The following AHRR variants were observed in gnomAD, a reference collection of about 807,000 sequenced individuals.
AHRR encodes aryl hydrocarbon receptor repressor.
AHRR carries 28 observed loss-of-function variants against 44.0 expected under a neutral mutation model. The observed-to-expected ratio is 0.64, with a 90% CI of 0.47 to 0.87. The LOEUF is 0.87. Ranked by LOEUF, AHRR falls within the 40% of genes least tolerant of loss-of-function variation. The pLI is 0.00. For synonymous variants in AHRR, 434 were observed against 407.0 expected (o/e 1.07, Z -0.80); for missense variants, 990 against 953.9 (o/e 1.04, Z -0.50).
At chr5:350,637 G>A (rs4956933) in intron 2 of AHRR, among the ~76,000 whole-genome samples, 77,267 of 151,900 alleles carry the variant, frequency 0.51, 19,938 homozygotes, top group Non-Finnish European at 0.54. Context: ...GGGAGGTCTT[G>A]GGTGTCCTTC....
chr5:384,909 G>T (rs556858413), intron 4 of AHRR, among the ~76,000 whole-genome samples: 1 of 152,048 alleles, frequency 6.6e-6, no homozygotes, highest in East Asian at 1.9e-4. Context: ...ACTTTGGGAG[G>T]CTGAGGCAGG....
chr5:382,675 G>A (rs551903569), intron 4 of AHRR, among the ~76,000 whole-genome samples: 2 of 151,784 alleles, frequency 1.3e-5, no homozygotes, highest in East Asian at 3.9e-4. Context: ...TGCTTGGTTT[G>A]GATTTAATTT....
At chr5:343,496 G>GGGGGTGGCGGGA in intron 1 of AHRR, 1 of 135,874 alleles carries the variant, frequency 7.4e-6, no homozygotes, top group Non-Finnish European at 1.5e-5. Flanking sequence ...GATCCCGCGT[G>GGGGGTGGCGGGA]ACGAGTGTTT....
chr5:371,396 C>T (rs1207703830), intron 3 of AHRR, among the ~76,000 whole-genome samples: 1 of 152,234 alleles, frequency 6.6e-6, no homozygotes, highest in Non-Finnish European at 1.5e-5. Context: ...TGACTGCCAA[C>T]AGTAGCTTCC....
chr5:346,014 C>T (rs1247140695), intron 2 of AHRR, among the ~76,000 whole-genome samples: 2 of 152,208 alleles, frequency 1.3e-5, no homozygotes, highest in Admixed American at 6.5e-5. Context: ...AGGCTCAGTG[C>T]CCAGGCTGAC....
intron 5 of AHRR, among the ~76,000 whole-genome samples, chr5:414,035 C>T (rs1429861490): frequency 3.3e-5 from 5 of 152,272 alleles, no homozygotes; most frequent in Admixed American, 2.0e-4. Flanking sequence ...GAGGCCGAGG[C>T]GGGTGGATCA....
chr5:421,150 C>T lies in AHRR; in HGVS notation c.442-1579C>T, dbSNP rs147951080. ...CGCCTTAACTGGAAGAGGAGCCGCC[C>T]CGCCTGGGAGGCCGCTCTGGCGCCC... On this transcript the variant is annotated intron_variant, in intron 5 of 10. Transcript: ENST00000684583. 908 of 571,738 alleles carry T rather than the reference C, an allele frequency of 1.6e-3. 1 individual carries two copies. Among genetic ancestry groups the T allele is most frequent in the Non-Finnish European group, 2.3e-3 (730 of 324,234 alleles). 35.4% of individuals were successfully genotyped at this position (571,738 alleles called of 1,614,324 possible).
intron 4 of AHRR, among the ~76,000 whole-genome samples, chr5:391,450 G>A (rs1227074732): frequency 2.2e-4 from 24 of 109,006 alleles, no homozygotes; most frequent in East Asian, 2.0e-3. Flanking sequence ...GGCGCAGGGC[G>A]AGGCAGGGCC....
chr5:403,411 G>A (rs868683944), intron 4 of AHRR, among the ~76,000 whole-genome samples: 12 of 152,266 alleles, frequency 7.9e-5, no homozygotes, highest in South Asian at 2.1e-4. Context: ...CAAGGCGGGT[G>A]GATCACCTGA....
chr5:348,333 C>CTT (rs34078521), intron 2 of AHRR, among the ~76,000 whole-genome samples: 215 of 142,016 alleles, frequency 1.5e-3, no homozygotes, highest in African/African-American at 4.8e-3. Context: ...TCCCCCCCTC[C>CTT]TTTTTTTTTT....
chr5:409,142 A>G (rs538465852), intron 4 of AHRR, among the ~76,000 whole-genome samples: 3 of 152,338 alleles, frequency 2.0e-5, no homozygotes, highest in African/African-American at 4.8e-5. Context: ...CAATTCATCA[A>G]TGTTTTTGCA....
chr5:367,786 T>C (rs1279695706), intron 3 of AHRR: 2 of 699,122 alleles, frequency 2.9e-6, no homozygotes, highest in East Asian at 5.4e-5. Flanking sequence ...TCTGTCCCCC[T>C]CCTTCTCTGT....
chr5:389,501 G>A (rs1199300253), intron 4 of AHRR, among the ~76,000 whole-genome samples: 1 of 152,164 alleles, frequency 6.6e-6, no homozygotes, highest in Non-Finnish European at 1.5e-5. Flanking sequence ...AGCTGGACGT[G>A]CTTCAGATGC....
At position 404,682 on chromosome 5, in the gene AHRR, G is replaced by A. The variant is rs996114511; in HGVS notation, c.352-8662G>A. The A allele has an allele frequency of 1.5e-4, 26 of 177,358 alleles. No homozygotes were observed. Among genetic ancestry groups the A allele is most frequent in the Non-Finnish European group, 2.1e-4 (18 of 83,920 alleles). 11.0% of individuals were successfully genotyped at this position (177,358 alleles called of 1,614,324 possible). The stretch of plus-strand genomic sequence containing the variant: ...ACATGGAAGTCTGGCCTTGGGGGGC[G>A]TCCCAGTCTTGTCACATGAGCTAAA... On this transcript the variant is annotated intron_variant, in intron 4 of 10. Coordinates refer to ENST00000684583, the MANE Select transcript of AHRR (RefSeq NM_001377236.1). The surrounding 1 kb of genome is among the most constrained non-coding windows in gnomAD (Gnocchi z 4.1).
At position 375,878 on chromosome 5, in the gene AHRR, G is replaced by A. The variant is rs377645567; in HGVS notation, c.245-732G>A. On this transcript the variant is annotated intron_variant, in intron 3 of 10. Transcript: ENST00000684583. Reference sequence around the variant, plus strand: ...CTTGGTCAGTCTGGAAGGTGAACGTGTCATCTGTCCCCTTCTGCACCCAAA... The same window carrying A: ...CTTGGTCAGTCTGGAAGGTGAACGTATCATCTGTCCCCTTCTGCACCCAAA... Among the ~76,000 whole-genome samples, 23 of 152,220 alleles carry A rather than the reference G, an allele frequency of 1.5e-4. 1 individual carries two copies. Among genetic ancestry groups the A allele is most frequent in the Admixed American group, 1.3e-3 (20 of 15,288 alleles).
intron 1 of AHRR, among the ~76,000 whole-genome samples, chr5:324,986 G>A (rs918439239): frequency 6.6e-6 from 1 of 152,204 alleles, no homozygotes; most frequent in Non-Finnish European, 1.5e-5. Flanking sequence ...GCACTGAGCT[G>A]GAGACACCTG....
chr5:343,567 G>T, intron 1 of AHRR: 1 of 360,506 alleles, frequency 2.8e-6, no homozygotes, highest in Non-Finnish European at 5.0e-6. Context: ...TGGCTTCCTC[G>T]ATGGCTTCCT....
chr5:414,323 G>GT (rs201731828), intron 5 of AHRR, among the ~76,000 whole-genome samples: 151 of 151,918 alleles, frequency 9.9e-4, no homozygotes, highest in South Asian at 3.4e-3. Context: ...CAACGGAGCT[G>GT]TTTTTTTTGT....
intron 5 of AHRR, chr5:421,120 G>C (rs1736090020): frequency 9.0e-6 from 5 of 554,510 alleles, no homozygotes; most frequent in South Asian, 8.4e-5. Context: ...CGGCTGGAGC[G>C]TTCGCGCCTT....
Sources: allele counts gnomAD v4.1 joint callset (sites outside exome capture counted in the v4.1 genomes callset), GRCh38; gene constraint gnomAD v4.1.1; non-coding constraint Gnocchi (gnomAD v3.1); transcripts MANE v1.5; gene names NCBI Gene and HGNC (gene_info 2026-07-23, HGNC 2026-07-21).